Variants in SYBU observed in about 807,000 individuals in gnomAD.
SYBU encodes syntabulin.
In SYBU, 21 loss-of-function variants were observed where a neutral mutation model predicts 35.9. The ratio of observed to expected loss-of-function variants is 0.58; its 90% CI spans 0.41 to 0.84. The LOEUF is 0.84. Ranked by LOEUF, SYBU falls within the 40% of genes least tolerant of loss-of-function variation. The probability of loss-of-function intolerance (pLI) is 0.00; values close to 1 mark genes in which losing one functional copy is unlikely to be tolerated. For synonymous variants in SYBU, 319 were observed against 324.3 expected, an observed-to-expected ratio of 0.98 and a Z score of 0.18; for missense variants, 768 against 848.2, an observed-to-expected ratio of 0.91 and a Z score of 1.17.
At chr8:109,590,319 A>G (rs570424091) in intron 3 of SYBU, among the ~76,000 whole-genome samples, 1 of 152,302 alleles carries the variant, frequency 6.6e-6, no homozygotes, top group South Asian at 2.1e-4. Context: ...AGTTTTTGCA[A>G]ATTACTTTCC....
At chr8:109,580,914 G>A (rs1224662322) in intron 4 of SYBU, 1 of 152,208 alleles carries the variant, frequency 6.6e-6, no homozygotes, top group Non-Finnish European at 1.5e-5. Flanking sequence ...CCATCCTTAG[G>A]TTTTTGAACT....
At chr8:109,640,594 A>G (rs750131056) in intron 2 of SYBU, among the ~76,000 whole-genome samples, 2 of 151,964 alleles carry the variant, frequency 1.3e-5, no homozygotes, top group Non-Finnish European at 2.9e-5. Flanking sequence ...TGCAAATATG[A>G]CTCTAGATTC....
chr8:109,635,980 A>T (rs60840347), intron 2 of SYBU, among the ~76,000 whole-genome samples: 13 of 152,152 alleles, frequency 8.5e-5, no homozygotes, highest in Non-Finnish European at 1.9e-4. Flanking sequence ...AATTCAGAAT[A>T]TGTTTCGTGA....
intron 3 of SYBU, among the ~76,000 whole-genome samples, chr8:109,595,528 T>C (rs1044296340): frequency 6.6e-6 from 1 of 152,226 alleles, no homozygotes; most frequent in African/African-American, 2.4e-5. Context: ...ACCATAGTCC[T>C]GCCTTCAGAG....
intron 3 of SYBU, among the ~76,000 whole-genome samples, chr8:109,600,248 T>C (rs1276830481): frequency 1.3e-5 from 2 of 152,340 alleles, no homozygotes; most frequent in South Asian, 4.1e-4. Context: ...TTCTCCACCA[T>C]TGGCATTTAG....
chr8:109,577,697 A>G (rs967678029), intron 6 of SYBU, among the ~76,000 whole-genome samples, 171 bp downstream of exon 6: 1 of 152,212 alleles, frequency 6.6e-6, no homozygotes, highest in Non-Finnish European at 1.5e-5. Context: ...TGAAACAGCC[A>G]TATCACACAG....
chr8:109,578,298 T>G (rs982974569), intron 5 of SYBU, among the ~76,000 whole-genome samples: 1 of 152,168 alleles, frequency 6.6e-6, no homozygotes, highest in African/African-American at 2.4e-5. Context: ...AGGTCAGCAG[T>G]CTGCAGCCCA....
intron 4 of SYBU, among the ~76,000 whole-genome samples, chr8:109,583,024 G>A (rs1222400263): frequency 2.0e-5 from 3 of 152,064 alleles, no homozygotes; most frequent in African/African-American, 7.2e-5. Context: ...CCAGTCTATG[G>A]TACTGGGTTA....
intron 1 of SYBU, among the ~76,000 whole-genome samples, chr8:109,686,251 G>A (rs1255285337): frequency 1.3e-5 from 2 of 151,728 alleles, no homozygotes; most frequent in African/African-American, 4.8e-5. Flanking sequence ...TCTTGGGAGC[G>A]ACAGGAAATG....
chr8:109,663,949 C>G (rs1468822078), intron 1 of SYBU, among the ~76,000 whole-genome samples: 1 of 152,130 alleles, frequency 6.6e-6, no homozygotes, highest in Non-Finnish European at 1.5e-5. Flanking sequence ...ATTAGTGTTG[C>G]TATTACTATT....
At chr8:109,683,625 G>A (rs1047437842), upstream of SYBU, among the ~76,000 whole-genome samples, 2 of 152,144 alleles carry the variant, frequency 1.3e-5, no homozygotes, top group Non-Finnish European at 2.9e-5. Flanking sequence ...GACTTTGGGG[G>A]ACTGTTGGAA....
At chr8:109,661,890 T>C (rs1480646337) in intron 1 of SYBU, among the ~76,000 whole-genome samples, 1 of 152,232 alleles carries the variant, frequency 6.6e-6, no homozygotes, top group Non-Finnish European at 1.5e-5. Flanking sequence ...TGTACCTCTG[T>C]TAGGTTCTCT....
At chr8:109,628,489 C>G (rs899721530) in intron 2 of SYBU, among the ~76,000 whole-genome samples, 3 of 152,070 alleles carry the variant, frequency 2.0e-5, no homozygotes, top group Admixed American at 2.0e-4. Flanking sequence ...TGTGCCACAA[C>G]AGCTGGCTAA....
At chr8:109,634,722 T>A (rs1347527088) in intron 2 of SYBU, among the ~76,000 whole-genome samples, 2 of 152,182 alleles carry the variant, frequency 1.3e-5, no homozygotes, top group Non-Finnish European at 2.9e-5. Context: ...CAAGAAATTT[T>A]AAAACCAGAT....
intron 3 of SYBU, among the ~76,000 whole-genome samples, chr8:109,599,008 C>A (rs779711211): frequency 3.9e-5 from 6 of 152,190 alleles, no homozygotes; most frequent in Non-Finnish European, 8.8e-5. Context: ...AGTATACCTG[C>A]GTGGAACTTC....
intron 2 of SYBU, among the ~76,000 whole-genome samples, chr8:109,622,494 A>G (rs1237543400): frequency 6.6e-6 from 1 of 152,168 alleles, no homozygotes; most frequent in Non-Finnish European, 1.5e-5. Context: ...CAGCCTCTCA[A>G]AGTGCTGGGA....
intron 3 of SYBU, among the ~76,000 whole-genome samples, chr8:109,606,123 A>G (rs1826044465): frequency 6.6e-6 from 1 of 152,222 alleles, no homozygotes; most frequent in East Asian, 1.9e-4. Context: ...GTACATTCTC[A>G]TGTACATAAA....
At chr8:109,618,458 T>C (rs1235948437) in intron 3 of SYBU, among the ~76,000 whole-genome samples, 3 of 152,230 alleles carry the variant, frequency 2.0e-5, no homozygotes, top group Admixed American at 6.5e-5. Context: ...GAGATTTGCA[T>C]TGAGATAACC....
At chr8:109,662,964 C>T (rs1046158554) in intron 1 of SYBU, among the ~76,000 whole-genome samples, 4 of 152,088 alleles carry the variant, frequency 2.6e-5, no homozygotes, top group Non-Finnish European at 5.9e-5. Context: ...TGTAGATGCA[C>T]ACCGTTGATC....
Sources: allele counts gnomAD v4.1 joint callset (sites outside exome capture counted in the v4.1 genomes callset), GRCh38; gene constraint gnomAD v4.1.1; transcripts MANE v1.5; gene names NCBI Gene and HGNC (gene_info 2026-07-23, HGNC 2026-07-21).